LPO: variants seen among roughly 807,000 people sequenced by gnomAD.
LPO encodes the protein lactoperoxidase.
A neutral mutation model predicts 68.4 loss-of-function variants in LPO; 70 were observed. The ratio of observed to expected loss-of-function variants is 1.02; its 90% CI spans 0.84 to 1.25. The LOEUF (loss-of-function observed/expected upper bound fraction) is 1.25, where lower values mean the gene tolerates loss of function less well. Ranked by LOEUF, LPO falls within the 50% of genes most tolerant of loss-of-function variation. The pLI is 0.00. For synonymous variants in LPO, 360 were observed against 357.6 expected (o/e 1.01, Z -0.08); for missense variants, 873 against 908.4 (o/e 0.96, Z 0.50).
intron 9 of LPO, among the ~76,000 whole-genome samples, chr17:58,259,156 C>T (rs1184593148): frequency 1.3e-5 from 2 of 151,958 alleles, no homozygotes; most frequent in Non-Finnish European, 1.5e-5. Context: ...AACTTTTTTC[C>T]TAGTCCTAGG....
In LPO at chr17:58,267,358, C is replaced by T. The variant is rs1354859508; in HGVS notation, c.1703C>T (p.Ser568Phe). 6.2e-7 allele frequency: 1 copy of T among 1,613,944 alleles called. No individual in the cohort carries two copies. The highest frequency in any genetic ancestry group is 1.7e-5 in the Admixed American group (1 of 60,018). ...AGTCTCTCCACCCTAGGGTACAATT[C>T]CTGGAGAGCCTTCTGTGACCTCTCA... ...CRDHGQPGYN[S>F]WRAFCDLSQP... Residue 568 changes from serine (S) to phenylalanine (F), a missense_variant, in exon 12 of 13, where the codon TCC becomes TTC. By Grantham distance (155) the Ser-to-Phe change is radical. Transcript: ENST00000262290.
chr17:58,249,897 C>T (rs1441431637), intron 6 of LPO, among the ~76,000 whole-genome samples: 1 of 152,214 alleles, frequency 6.6e-6, no homozygotes, highest in Non-Finnish European at 1.5e-5. Flanking sequence ...ACGTTCTGGC[C>T]GCCGCAGGCC....
In LPO at chr17:58,250,595, C is replaced by G; in HGVS notation, c.754C>G (p.Gln252Glu). Residue 252 changes from glutamine to glutamate, a missense_variant, in exon 7 of 13, where the codon CAG becomes GAG. By Grantham distance (29) the Gln-to-Glu change is conservative. Transcript: ENST00000262290. ...SKAQCDEYCI[Q>E]GDNCFPIMFP... is the part of the protein sequence containing the mutation. ...AGCCCAGTGTGATGAGTACTGTATC[C>G]AGGGAGACAACTGCTTCCCCATCAT... 6.2e-7 allele frequency: 1 copy of G among 1,614,062 alleles called. No homozygotes were observed. The highest frequency in any genetic ancestry group is 8.5e-7 in the Non-Finnish European group (1 of 1,180,008).
chr17:58,256,990 C>CTTTTTT (rs1040765289), intron 9 of LPO, among the ~76,000 whole-genome samples: 61 of 75,036 alleles, frequency 8.1e-4, no homozygotes, highest in East Asian at 1.2e-3. Context: ...AGGTCTTACT[C>CTTTTTT]TTTTTTTTTT....
At chr17:58,240,297 G>C (rs753033642) in intron 1 of LPO, among the ~76,000 whole-genome samples, 2 of 152,162 alleles carry the variant, frequency 1.3e-5, no homozygotes, top group Non-Finnish European at 2.9e-5. Flanking sequence ...TCTCCAGATA[G>C]TGCTTCATGT....
At chr17:58,243,414 A>C in intron 2 of LPO, 1 of 247,468 alleles carries the variant, frequency 4.0e-6, no homozygotes, top group Non-Finnish European at 7.8e-6. Context: ...TTAATTCATA[A>C]CATCTACAAA....
chr17:58,266,468 G>GT (rs575540926), intron 11 of LPO, 142 bp downstream of exon 11: 13,822 of 788,516 alleles, frequency 0.018, 7 homozygotes, highest in South Asian at 0.041. Context: ...TTTGTTTGAG[G>GT]TTTTTTTTTT....
intron 6 of LPO, among the ~76,000 whole-genome samples, 181 bp from the exon 7 acceptor site, chr17:58,250,234 C>A (rs1425113749): frequency 6.6e-6 from 1 of 152,174 alleles, no homozygotes; most frequent in African/African-American, 2.4e-5. Flanking sequence ...GAACTGACTT[C>A]ACCTGTCCAG....
intron 5 of LPO, 60 bp downstream of exon 5, chr17:58,249,237 G>A: frequency 6.7e-7 from 1 of 1,493,342 alleles, no homozygotes; most frequent in Non-Finnish European, 9.3e-7. Context: ...GCCCTGCCAA[G>A]GCCTTTGTCC....
chr17:58,261,002 A>G (rs1412036936), intron 9 of LPO, among the ~76,000 whole-genome samples: 1 of 152,148 alleles, frequency 6.6e-6, no homozygotes, highest in African/African-American at 2.4e-5. Context: ...ACTCTGTATG[A>G]TTTCAATTTT....
chr17:58,249,168 G>A lies in LPO; in HGVS notation c.434G>A (p.Cys145Tyr). ...CSPYRTITGDCNNRRKPALGA... is the reference protein window; with the variant it reads ...CSPYRTITGDYNNRRKPALGA... ...CCTTACCGCACCATTACGGGAGACT[G>A]CAATAACAGGTGGCGGGGCTTGGGG... The change falls in exon 5 of 13, where the codon TGC becomes TAC. Residue 145 changes from cysteine to tyrosine, a missense_variant. Coordinates refer to ENST00000262290, the MANE Select transcript of LPO (RefSeq NM_006151.3). 3 of 1,613,918 alleles carry A rather than the reference G, an allele frequency of 1.9e-6. No individual in the cohort carries two copies. The highest frequency in any genetic ancestry group is 1.3e-5 in the African/African-American group (1 of 75,046).
intron 2 of LPO, 100 bp from the exon 3 acceptor site, chr17:58,243,894 G>C (rs1969804453): frequency 2.6e-6 from 2 of 762,594 alleles, no homozygotes; most frequent in South Asian, 3.0e-5. Context: ...AGATTTGAGG[G>C]GTGGGGGTAA....
chr17:58,265,155 G>A (rs1355868202), intron 10 of LPO, among the ~76,000 whole-genome samples, 181 bp downstream of exon 10: 2 of 152,154 alleles, frequency 1.3e-5, no homozygotes, highest in African/African-American at 4.8e-5. Context: ...CCCATCTCAC[G>A]AGGCTATCCA....
chr17:58,267,250 G>A (rs1970284874), intron 11 of LPO, 99 bp from the exon 12 acceptor site: 1 of 879,144 alleles, frequency 1.1e-6, no homozygotes, highest in East Asian at 2.5e-5. Flanking sequence ...TGTAAGCCCA[G>A]ACTTTCTAGG....
At chr17:58,243,323 T>A (rs1969793207) in intron 2 of LPO, 3 of 427,608 alleles carry the variant, frequency 7.0e-6, no homozygotes, top group Non-Finnish European at 1.3e-5. Context: ...CGTGGCCTTT[T>A]TCACTGGGTG....
intron 4 of LPO, 59 bp downstream of exon 4, chr17:58,247,697 G>A: frequency 1.3e-6 from 2 of 1,565,970 alleles, no homozygotes; most frequent in Non-Finnish European, 1.7e-6. Context: ...ACAGGAGAAA[G>A]CAGAGGCCAC....
In LPO at chr17:58,242,985, G is replaced by A. The variant is rs766666920; in HGVS notation, c.6G>A (p.Arg2=). ...TCCTGCATCTCGTTTCAGTGATGAGGGTCCTTCTCCATCTCCCAGCCCTCC... is the reference window on the plus strand; with the variant it reads ...TCCTGCATCTCGTTTCAGTGATGAGAGTCCTTCTCCATCTCCCAGCCCTCC... The part of the protein sequence containing the change: M[R]VLLHLPALLA... The change falls in exon 2 of 13, where the codon AGG becomes AGA. Residue 2 remains arginine (R), a synonymous_variant. Coordinates refer to ENST00000262290, the MANE Select transcript of LPO (RefSeq NM_006151.3). The A allele has an allele frequency of 3.1e-6, 5 of 1,613,854 alleles. No homozygotes were observed. In the African/African-American group the frequency reaches 6.7e-5, roughly 22 times the overall value.
intron 9 of LPO, 48 bp downstream of exon 9, chr17:58,255,019 T>G: frequency 2.5e-6 from 4 of 1,596,218 alleles, no homozygotes; most frequent in Non-Finnish European, 3.4e-6. Flanking sequence ...TGGCTCCCAC[T>G]CCTGGCTCTG....
chr17:58,266,534 C>T (rs1239385529), intron 11 of LPO, among the ~76,000 whole-genome samples: 3 of 151,982 alleles, frequency 2.0e-5, no homozygotes, highest in Admixed American at 2.0e-4. Flanking sequence ...GATCACAGCT[C>T]ACAGCAGCCT....
Sources: gnomAD v4.1 joint callset for allele counts (sites outside exome capture counted in the v4.1 genomes callset) on GRCh38, gnomAD v4.1.1 for gene constraint, MANE v1.5 for transcripts, NCBI Gene and HGNC (gene_info 2026-07-23, HGNC 2026-07-21) for gene names.